RUBCN: variants seen among roughly 807,000 people sequenced by gnomAD.
The protein encoded by RUBCN is run domain Beclin-1-interacting and cysteine-rich domain-containing protein.
In RUBCN, 74 loss-of-function variants were observed where a neutral mutation model predicts 113.2. The observed-to-expected ratio is 0.65, with a 90% CI of 0.54 to 0.79. The LOEUF (loss-of-function observed/expected upper bound fraction) is 0.79. Among genes scored for constraint, RUBCN ranks in the 30% least tolerant of loss-of-function variants. The pLI, the probability that RUBCN is intolerant of heterozygous loss-of-function variation, is 0.00. For synonymous variants in RUBCN, 480 were observed against 490.0 expected (o/e 0.98, Z 0.27); for missense variants, 1,109 against 1,251.7 (o/e 0.89, Z 1.72).
At chr3:197,728,915 T>A (rs1198134844) in intron 1 of RUBCN, among the ~76,000 whole-genome samples, 1 of 151,984 alleles carries the variant, frequency 6.6e-6, no homozygotes, top group Non-Finnish European at 1.5e-5. Flanking sequence ...AAGAAAGATG[T>A]GAGAGTGGGT....
chr3:197,713,917 AC>A (rs1257935265), intron 2 of RUBCN, among the ~76,000 whole-genome samples: 1 of 151,942 alleles, frequency 6.6e-6, no homozygotes, highest in Non-Finnish European at 1.5e-5. Flanking sequence ...TACTAAAAAT[AC>A]AAAAAAAAAT....
intron 2 of RUBCN, 38 bp downstream of exon 2, chr3:197,717,939 G>A (rs780640657): frequency 2.4e-5 from 38 of 1,611,584 alleles, no homozygotes; most frequent in Non-Finnish European, 3.1e-5. Context: ...TTCAACAAGC[G>A]AGTCAGCCAA....
intron 5 of RUBCN, among the ~76,000 whole-genome samples, chr3:197,702,092 G>C (rs1430867534): frequency 1.3e-5 from 2 of 152,192 alleles, no homozygotes; most frequent in African/African-American, 4.8e-5. Flanking sequence ...TAAACCAGGA[G>C]TACTTTATTA....
chr3:197,720,659 G>A (rs564761304), intron 1 of RUBCN, among the ~76,000 whole-genome samples: 12 of 152,056 alleles, frequency 7.9e-5, no homozygotes, highest in Admixed American at 5.2e-4. Context: ...TGTGCACCTC[G>A]GCCTCCCAAA....
At chr3:197,731,617 C>G (rs772293239) in intron 1 of RUBCN, among the ~76,000 whole-genome samples, 2 of 148,470 alleles carry the variant, frequency 1.3e-5, no homozygotes, top group African/African-American at 5.0e-5. Context: ...GCTGGCCGGG[C>G]GGGGCCTGAC....
intron 1 of RUBCN, among the ~76,000 whole-genome samples, chr3:197,731,547 C>G (rs1017068222): frequency 6.6e-6 from 1 of 152,302 alleles, no homozygotes; most frequent in African/African-American, 2.4e-5. Flanking sequence ...GGCAGAGGGG[C>G]TCCTCACTTC....
intron 7 of RUBCN, among the ~76,000 whole-genome samples, chr3:197,698,890 G>A (rs952595746): frequency 6.7e-6 from 1 of 149,782 alleles, no homozygotes; most frequent in Non-Finnish European, 1.5e-5. Context: ...GTCTGCTACT[G>A]ATTCATCATG....
intron 16 of RUBCN, among the ~76,000 whole-genome samples, chr3:197,680,834 G>A (rs998707282): frequency 2.0e-5 from 3 of 151,998 alleles, no homozygotes; most frequent in South Asian, 2.1e-4. Flanking sequence ...CCATTGCCAC[G>A]TTTGAGGCTC....
chr3:197,719,005 T>A (rs1214174654), intron 1 of RUBCN, among the ~76,000 whole-genome samples: 1 of 152,140 alleles, frequency 6.6e-6, no homozygotes, highest in Non-Finnish European at 1.5e-5. Flanking sequence ...ACTCTGCATA[T>A]CCTATGCCTC....
chr3:197,701,781 T>C lies in RUBCN; in HGVS notation c.654A>G (p.Pro218=). 4 of 1,614,084 alleles carry C rather than the reference T, an allele frequency of 2.5e-6. No individual in the cohort carries two copies. Among genetic ancestry groups the C allele is most frequent in the African/African-American group, 1.3e-5 (1 of 75,024 alleles). ...AGTAGGAATGCTGAGCATAGCTGTT[T>C]GGAGGGGTGTATGTGGAACTGGGCA... ...TALPSSTYTP[P]NSYAQHSYFG... Residue 218 remains proline (P), a synonymous_variant, in exon 6 of 20, where the codon CCA becomes CCG. Coordinates refer to ENST00000296343, the MANE Select transcript of RUBCN (RefSeq NM_014687.4).
At chr3:197,739,328 T>C (rs1728409381), upstream of RUBCN, among the ~76,000 whole-genome samples, 1 of 145,318 alleles carries the variant, frequency 6.9e-6, no homozygotes, top group Non-Finnish European at 1.5e-5. Flanking sequence ...GAGGCAGGGC[T>C]TGCAGTGAGC....
rs532520321 is a variant in RUBCN at position 197,696,314 on chromosome 3, G to T, written c.1358-333C>A. On this transcript the variant is annotated intron_variant, in intron 8 of 19. Coordinates refer to ENST00000296343, the MANE Select transcript of RUBCN (RefSeq NM_014687.4). ...CTGAACCTGGGAGGCGGAGGTTGCAGTGAGCCAAGATCGCACCACTGCACT... is the reference window on the plus strand; with the variant it reads ...CTGAACCTGGGAGGCGGAGGTTGCATTGAGCCAAGATCGCACCACTGCACT... Among the ~76,000 whole-genome samples the T allele has an allele frequency of 1.2e-3, 175 of 151,790 alleles. 1 individual carries two copies. The highest frequency in any genetic ancestry group is 1.9e-3 in the Non-Finnish European group (131 of 67,956).
chr3:197,749,242 T>C, intron 1 of RUBCN: 3 of 1,025,480 alleles, frequency 2.9e-6, no homozygotes, highest in African/African-American at 1.7e-5. Context: ...TAGAAGAAAA[T>C]GCAGCTACAT....
chr3:197,719,874 C>T (rs921257422), intron 1 of RUBCN, among the ~76,000 whole-genome samples: 96 of 152,294 alleles, frequency 6.3e-4, no homozygotes, highest in African/African-American at 2.3e-3. Context: ...GTGCATTGAT[C>T]GCAACAAAGT....
rs1327687094 is a variant in RUBCN, at chr3:197,681,651, T to C, written c.2191+184A>G. 6.6e-6 allele frequency among the ~76,000 whole-genome samples: 1 copy of C among 152,244 alleles called. No homozygotes were observed. Among genetic ancestry groups the C allele is most frequent in the Non-Finnish European group, 1.5e-5 (1 of 68,048 alleles). ...TTTCCACAGGATACAATCCTGGCCA[T>C]GTGCTCCCAGAAATCATTTCCCTCC... On this transcript the variant is annotated intron_variant, in intron 15 of 19. Transcript: ENST00000296343. The surrounding 1 kb of genome is among the most constrained non-coding windows in gnomAD (Gnocchi z 5.5).
At chr3:197,695,753 A>G in intron 9 of RUBCN, 113 bp downstream of exon 9, 1 of 946,814 alleles carries the variant, frequency 1.1e-6, no homozygotes. Flanking sequence ...TTTACCGTGA[A>G]CTTATCTTTA....
intron 9 of RUBCN, among the ~76,000 whole-genome samples, chr3:197,694,802 C>T (rs1722824381): frequency 6.6e-6 from 1 of 152,174 alleles, no homozygotes; most frequent in Admixed American, 6.5e-5. Context: ...CTTCCTGTCT[C>T]ATTTCTACAT....
chr3:197,740,472 A>AAAAAAG (rs1178222982), upstream of RUBCN, among the ~76,000 whole-genome samples: 3 of 152,172 alleles, frequency 2.0e-5, no homozygotes, highest in African/African-American at 7.2e-5. Context: ...CCATCTTAAA[A>AAAAAAG]AAAAAGAAAA....
rs1236833318 is a variant in RUBCN at position 197,669,322 on chromosome 3, GCATT to G, written c.*5692_*5695del. On this transcript the variant is annotated 3_prime_UTR_variant, in exon 20 of 20. Transcript: ENST00000296343. The stretch of plus-strand genomic sequence containing the variant: ...GGGATCCCACCCGGGATCCCACATG[GCATT>G]CAGTCATCGTATCTGCTTAGTCTCC... Among the ~76,000 whole-genome samples the G allele has an allele frequency of 1.3e-5, 2 of 152,268 alleles. No homozygotes were observed. The highest frequency in any genetic ancestry group is 3.9e-4 in the East Asian group (2 of 5,192).
Sources: gnomAD v4.1 joint callset for allele counts (sites outside exome capture counted in the v4.1 genomes callset) on GRCh38, gnomAD v4.1.1 for gene constraint, Gnocchi (gnomAD v3.1) non-coding constraint, MANE v1.5 for transcripts, NCBI Gene and HGNC (gene_info 2026-07-23, HGNC 2026-07-21) for gene names.